Variants in PAFAH1B1 observed in about 807,000 individuals in gnomAD.
The protein encoded by PAFAH1B1 is platelet-activating factor acetylhydrolase IB subunit beta.
PAFAH1B1 carries 2 observed loss-of-function variants against 57.5 expected under a neutral mutation model. That is an observed-to-expected ratio of 0.03 (90% CI 0.01 to 0.11). PAFAH1B1 has a LOEUF of 0.11. Ranked by LOEUF, PAFAH1B1 falls within the 10% of genes least tolerant of loss-of-function variation. The pLI is 1.00. For synonymous variants in PAFAH1B1, 152 were observed against 169.6 expected, an observed-to-expected ratio of 0.90 and a Z score of 0.81; for missense variants, 257 against 512.0, an observed-to-expected ratio of 0.50 and a Z score of 4.81.
intron 1 of PAFAH1B1, among the ~76,000 whole-genome samples, chr17:2,617,926 A>G (rs914428881): frequency 6.6e-6 from 1 of 151,332 alleles, no homozygotes; most frequent in Non-Finnish European, 1.5e-5. Flanking sequence ...TCAGTCCCGC[A>G]TCAAAAAACG....
At chr17:2,667,501 G>A in intron 5 of PAFAH1B1, 1 of 340,340 alleles carries the variant, frequency 2.9e-6, no homozygotes, top group Admixed American at 4.3e-5. Flanking sequence ...ATGCTGCCAG[G>A]TAAGTTTGAT....
At chr17:2,681,597 G>A in intron 10 of PAFAH1B1, 132 bp from the exon 11 acceptor site, 1 of 683,064 alleles carries the variant, frequency 1.5e-6, no homozygotes, top group East Asian at 2.7e-5. Context: ...GAGTAGCTGG[G>A]ACTACAGGCA....
intron 1 of PAFAH1B1, among the ~76,000 whole-genome samples, chr17:2,636,573 A>G (rs2068627103): frequency 6.6e-6 from 1 of 151,982 alleles, no homozygotes; most frequent in African/African-American, 2.4e-5. Context: ...AAATTTTTGT[A>G]TTTTTAGTAG....
At chr17:2,604,542 G>T (rs1003897080) in intron 1 of PAFAH1B1, among the ~76,000 whole-genome samples, 12 of 152,158 alleles carry the variant, frequency 7.9e-5, no homozygotes, top group Non-Finnish European at 1.5e-4. Context: ...CAGGCGTGGT[G>T]GCTTACACCT....
intron 1 of PAFAH1B1, among the ~76,000 whole-genome samples, chr17:2,612,678 G>A (rs952058949): frequency 3.9e-5 from 6 of 152,072 alleles, no homozygotes; most frequent in East Asian, 3.9e-4. Context: ...GCCTGAACAC[G>A]GCTTCTCTGT....
chr17:2,597,401 G>GTTTTT (rs2068094998), intron 1 of PAFAH1B1, among the ~76,000 whole-genome samples: 1 of 90,174 alleles, frequency 1.1e-5, no homozygotes, highest in African/African-American at 4.1e-5. Context: ...GAACATCCGT[G>GTTTTT]TCTTTTTTTT....
chr17:2,676,682 C>A, intron 9 of PAFAH1B1, 76 bp downstream of exon 9: 2 of 860,884 alleles, frequency 2.3e-6, no homozygotes, highest in Non-Finnish European at 4.0e-6. Context: ...TTTATGATAT[C>A]TTAAATAATC....
intron 2 of PAFAH1B1, among the ~76,000 whole-genome samples, chr17:2,651,342 T>C (rs1349928192): frequency 1.4e-5 from 2 of 146,208 alleles, no homozygotes; most frequent in Non-Finnish European, 3.0e-5. Flanking sequence ...TTTGGGAGAC[T>C]GAGGCAGGCG....
chr17:2,629,158 T>C (rs527945841), intron 1 of PAFAH1B1, among the ~76,000 whole-genome samples: 1 of 152,316 alleles, frequency 6.6e-6, no homozygotes, highest in East Asian at 1.9e-4. Flanking sequence ...GGTTTGTTCC[T>C]CTTTCTCTAG....
rs542856147 is a variant in PAFAH1B1 at position 2,667,677 on chromosome 17, C to T, written c.399+479C>T. On this transcript the variant is annotated intron_variant, in intron 5 of 10. Transcript: ENST00000397195. ...AAAACTAGTAATTGATAGGGTGAAT[C>T]TATACTGCAAAAGAATTCAGTAGAG... 2.0e-5 allele frequency among the ~76,000 whole-genome samples: 3 copies of T among 151,988 alleles called. No homozygotes were observed. The South Asian group carries it at 6.2e-4, about 31-fold the overall frequency.
intron 1 of PAFAH1B1, chr17:2,613,580 G>T: frequency 3.6e-6 from 1 of 281,018 alleles, no homozygotes; most frequent in East Asian, 7.8e-5. Context: ...GGTGGTCAGC[G>T]GGTGCTCCCC....
intron 1 of PAFAH1B1, among the ~76,000 whole-genome samples, chr17:2,614,784 T>TG (rs1408451026): frequency 6.6e-6 from 1 of 152,044 alleles, no homozygotes; most frequent in East Asian, 1.9e-4. Flanking sequence ...AGATGAGTCT[T>TG]GCTGCGTTGC....
Position 2,673,491 on chromosome 17 carries a change from T to G in PAFAH1B1, c.672-569T>G, listed in dbSNP as rs542793046. ...CGTCTCTACTAAAAATACAAAAAAT[T>G]AGCCGGGCGTGGTGGCGGGCGCCTG... On this transcript the variant is annotated intron_variant, in intron 7 of 10. Transcript: ENST00000397195. Among the ~76,000 whole-genome samples the G allele has an allele frequency of 1.3e-3, 196 of 152,042 alleles. 1 individual carries two copies. Among genetic ancestry groups the G allele is most frequent in the African/African-American group, 4.3e-3 (180 of 41,480 alleles).
intron 1 of PAFAH1B1, among the ~76,000 whole-genome samples, chr17:2,636,580 G>C (rs140224042): frequency 6.6e-6 from 1 of 152,196 alleles, no homozygotes; most frequent in Non-Finnish European, 1.5e-5. Context: ...TGTATTTTTA[G>C]TAGAGACGAG....
intron 9 of PAFAH1B1, among the ~76,000 whole-genome samples, chr17:2,679,228 T>A (rs1206342943): frequency 6.6e-6 from 1 of 152,232 alleles, no homozygotes; most frequent in Non-Finnish European, 1.5e-5. Context: ...TCTACACTGA[T>A]CTACAGACAA....
Position 2,682,398 on chromosome 17 carries a change from G to A in PAFAH1B1, c.*596G>A, listed in dbSNP as rs1351761907. 1 of 152,586 alleles carries A rather than the reference G, an allele frequency of 6.6e-6. No homozygotes were observed. Among genetic ancestry groups the A allele is most frequent in the Non-Finnish European group, 1.5e-5 (1 of 68,034 alleles). 9.5% of individuals were successfully genotyped at this position (152,586 alleles called of 1,614,324 possible). A position where few individuals can be genotyped will look rare whatever the true frequency, so the allele number is the denominator to read the frequency against. On this transcript the variant is annotated 3_prime_UTR_variant, in exon 11 of 11. Transcript: ENST00000397195. ...AAATCAGTAGGATATATTTGTTTTG[G>A]CAGCCTATCACGCAGAGGCTAGTGG...
chr17:2,678,604 T>C lies in PAFAH1B1; in HGVS notation c.1003-1560T>C, dbSNP rs183816572. Among the ~76,000 whole-genome samples the C allele has an allele frequency of 8.8e-4, 132 of 150,380 alleles. 1 individual carries two copies. Among genetic ancestry groups the C allele is most frequent in the Admixed American group, 1.9e-3 (29 of 15,122 alleles). On this transcript the variant is annotated intron_variant, in intron 9 of 10. Coordinates refer to ENST00000397195, the MANE Select transcript of PAFAH1B1 (RefSeq NM_000430.4). ...GAAAAGAAACAAGAAAAACATACTC[T>C]TGGCCAGGCACAGTGGCTCACACCT...
At chr17:2,617,142 ATCTAAG>A (rs1458344061) in intron 1 of PAFAH1B1, among the ~76,000 whole-genome samples, 1 of 152,186 alleles carries the variant, frequency 6.6e-6, no homozygotes, top group Non-Finnish European at 1.5e-5. Context: ...TGTTACTTAA[ATCTAAG>A]TCTGATTGAT....
intron 2 of PAFAH1B1, among the ~76,000 whole-genome samples, chr17:2,660,339 C>G (rs2068997915): frequency 6.6e-6 from 1 of 151,786 alleles, no homozygotes; most frequent in Admixed American, 6.6e-5. Flanking sequence ...CCTATCAAGT[C>G]ATCACCTAGG....
Sources: allele counts gnomAD v4.1 joint callset (sites outside exome capture counted in the v4.1 genomes callset), GRCh38; gene constraint gnomAD v4.1.1; transcripts MANE v1.5; gene names NCBI Gene and HGNC (gene_info 2026-07-23, HGNC 2026-07-21).